ACTR10: variants seen among roughly 807,000 people sequenced by gnomAD.
ACTR10 encodes the protein actin-related protein 10.
A neutral mutation model predicts 56.2 loss-of-function variants in ACTR10; 43 were observed. The ratio of observed to expected loss-of-function variants is 0.77; its 90% CI spans 0.60 to 0.99. ACTR10 has a LOEUF of 0.99. Ranked by LOEUF, ACTR10 falls within the 50% of genes least tolerant of loss-of-function variation. The pLI is 0.00. For missense variants in ACTR10, 466 were observed against 507.8 expected (o/e 0.92, Z 0.79); for synonymous variants, 170 against 176.3 (o/e 0.96, Z 0.28).
At chr14:58,203,041 C>G in intron 2 of ACTR10, 114 bp downstream of exon 2, 1 of 656,526 alleles carries the variant, frequency 1.5e-6, no homozygotes, top group Non-Finnish European at 2.5e-6. Context: ...GTGGCTCACG[C>G]CTGTAATCCC....
chr14:58,233,903 T>C (rs1361584328), intron 12 of ACTR10, among the ~76,000 whole-genome samples: 1 of 152,222 alleles, frequency 6.6e-6, no homozygotes, highest in African/African-American at 2.4e-5. Flanking sequence ...GTAATGGAAT[T>C]GTTTTTAAAA....
chr14:58,223,857 G>A lies in ACTR10; in HGVS notation c.788+1G>A. ...TTTTACATATCCTTGGATCAATCAG[G>A]TTAGATCTTAAATTTTTACGGCAAA... On this transcript the variant is annotated splice_donor_variant, in intron 10 of 12. Transcript: ENST00000254286. LOFTEE classifies it high-confidence loss of function. 1.2e-6 allele frequency: 2 copies of A among 1,601,688 alleles called. No homozygotes were observed. Among genetic ancestry groups the A allele is most frequent in the Non-Finnish European group, 1.7e-6 (2 of 1,174,742 alleles).
At chr14:58,203,147 C>G (rs1888767707) in intron 2 of ACTR10, among the ~76,000 whole-genome samples, 1 of 151,606 alleles carries the variant, frequency 6.6e-6, no homozygotes, top group Non-Finnish European at 1.5e-5. Context: ...ACTAAAAATA[C>G]AAAAATTAGC....
rs557535437 is a variant in ACTR10, at chr14:58,217,396, G to A, written c.598+2112G>A. ...CAGAAATGCAAATACGGCTGGGCAC[G>A]GTGGCTCACGCCTGTAATCCCAGCA... is the stretch of plus-strand genomic sequence containing the variant. On this transcript the variant is annotated intron_variant, in intron 7 of 12. Transcript: ENST00000254286. 3.9e-5 allele frequency among the ~76,000 whole-genome samples: 6 copies of A among 152,144 alleles called. No individual in the cohort carries two copies. The East Asian group carries it at 1.2e-3, about 29-fold the overall frequency.
At chr14:58,215,339 A>T (rs547713757) in intron 7 of ACTR10, 55 bp downstream of exon 7, 2 of 1,166,260 alleles carry the variant, frequency 1.7e-6, no homozygotes, top group African/African-American at 3.1e-5. Context: ...TTGTTCTTCA[A>T]CTTGTATTTT....
rs780133223 is a variant in ACTR10, at chr14:58,219,730, G to T, written c.634+1G>T. On this transcript the variant is annotated splice_donor_variant, in intron 8 of 12. Coordinates refer to ENST00000254286, the MANE Select transcript of ACTR10 (RefSeq NM_018477.3). LOFTEE classifies it high-confidence loss of function. The stretch of plus-strand genomic sequence containing the variant: ...GAAGGTGTCTTAGAGGACATTAAAG[G>T]TAAACTAAGTTCTCATTTTTGTCCC... The T allele has an allele frequency of 6.6e-7, 1 of 1,519,252 alleles. No individual in the cohort carries two copies. Among genetic ancestry groups the T allele is most frequent in the African/African-American group, 1.4e-5 (1 of 70,446 alleles). The allele number at this position is 1,519,252 out of a possible 1,614,324, so 94.1% of individuals were successfully genotyped here.
At position 58,215,190 on chromosome 14, in the gene ACTR10, T is replaced by C; in HGVS notation, c.519-15T>C. On this transcript the variant is annotated splice_polypyrimidine_tract_variant and intron_variant, in intron 6 of 12. Transcript: ENST00000254286. The stretch of plus-strand genomic sequence containing the variant: ...CAATATTTTCATTCCAGTAACTTTT[T>C]TTTTTTAATTTCAGAGAGTTGGAAA... 2.0e-6 allele frequency: 3 copies of C among 1,533,690 alleles called. No individual in the cohort carries two copies. Among genetic ancestry groups the C allele is most frequent in the Non-Finnish European group, 2.7e-6 (3 of 1,127,058 alleles).
intron 5 of ACTR10, among the ~76,000 whole-genome samples, chr14:58,211,725 A>G (rs1164403871): frequency 6.6e-6 from 1 of 152,184 alleles, no homozygotes; most frequent in East Asian, 1.9e-4. Context: ...AATTGGAGAA[A>G]CTGAAATGAG....
chr14:58,230,436 G>A lies in ACTR10; in HGVS notation c.826G>A (p.Glu276Lys), dbSNP rs775840797. 3.1e-6 allele frequency: 5 copies of A among 1,589,160 alleles called. No homozygotes were observed. Among genetic ancestry groups the A allele is most frequent in the Non-Finnish European group, 4.3e-6 (5 of 1,170,166 alleles). ...VVEILFEQDN[E>K]EQSVATLILD... ...GGAAATTCTTTTTGAACAAGATAAT[G>A]AAGAGCAATCAGTTGCCACTTTAAT... The change falls in exon 11 of 13, where the codon GAA becomes AAA. Residue 276 changes from glutamate (E) to lysine (K), a missense_variant. Coordinates refer to ENST00000254286, the MANE Select transcript of ACTR10 (RefSeq NM_018477.3).
intron 10 of ACTR10, among the ~76,000 whole-genome samples, chr14:58,227,157 G>T (rs1174803244): frequency 7.5e-6 from 1 of 133,080 alleles, no homozygotes; most frequent in Non-Finnish European, 1.6e-5. Flanking sequence ...CATAATTTAT[G>T]ATTTCCAGCT....
chr14:58,232,998 G>A (rs1049960388), intron 12 of ACTR10, among the ~76,000 whole-genome samples: 10 of 151,272 alleles, frequency 6.6e-5, no homozygotes, highest in Non-Finnish European at 1.3e-4. Flanking sequence ...AGCCTCCCTA[G>A]TAGCTGGGAT....
At chr14:58,232,752 A>G (rs1011232204) in intron 12 of ACTR10, among the ~76,000 whole-genome samples, 1 of 151,536 alleles carries the variant, frequency 6.6e-6, no homozygotes. Context: ...AGAATTTTAT[A>G]CCTATTTCTC....
intron 11 of ACTR10, chr14:58,230,959 A>G (rs1436294260): frequency 2.1e-5 from 4 of 191,382 alleles, no homozygotes; most frequent in Non-Finnish European, 3.5e-5. Context: ...GGGTTTCGCC[A>G]TGTTGGCCAG....
Position 58,235,314 on chromosome 14 carries a change from ATGT to A in ACTR10, c.*768_*770del, listed in dbSNP as rs1044118461. ...GTACTTGGGTGTCCATATTATAATAATGTTGTTTTTCCAGAAATATATTTGATC... is the reference window on the plus strand; with the variant it reads ...GTACTTGGGTGTCCATATTATAATAATGTTTTTCCAGAAATATATTTGATC... On this transcript the variant is annotated 3_prime_UTR_variant, in exon 13 of 13. Transcript: ENST00000254286. 1.0e-3 allele frequency: 152 copies of A among 152,296 alleles called. No individual in the cohort carries two copies. The highest frequency in any genetic ancestry group is 3.3e-3 in the African/African-American group (139 of 41,558). 9.4% of individuals were successfully genotyped at this position (152,296 alleles called of 1,614,324 possible).
Position 58,223,681 on chromosome 14 carries a change from A to G in ACTR10, c.694A>G (p.Asn232Asp). 1 of 1,613,308 alleles carries G rather than the reference A, an allele frequency of 6.2e-7. No individual in the cohort carries two copies. The highest frequency in any genetic ancestry group is 8.5e-7 in the Non-Finnish European group (1 of 1,179,782). Residue 232 changes from asparagine to aspartate, a missense_variant, in exon 9 of 13, where the codon AAT becomes GAT. Coordinates refer to ENST00000254286, the MANE Select transcript of ACTR10 (RefSeq NM_018477.3). Reference sequence around the variant, plus strand: ...ACTAAAAATCCAAGCAGCAAAATTTAATATTGATGGGAATAATGAGGTAAG... The same window carrying G: ...ACTAAAAATCCAAGCAGCAAAATTTGATATTGATGGGAATAATGAGGTAAG... Reference protein sequence around the residue: ...RGLKIQAAKFNIDGNNERPSP... With the variant: ...RGLKIQAAKFDIDGNNERPSP...
In ACTR10 at chr14:58,232,154, T is replaced by C; in HGVS notation, c.959T>C (p.Leu320Pro). 1 of 1,613,908 alleles carries C rather than the reference T, an allele frequency of 6.2e-7. No individual in the cohort carries two copies. Among genetic ancestry groups the C allele is most frequent in the Non-Finnish European group, 8.5e-7 (1 of 1,179,926 alleles). ...SMLPGFLHRL[L>P]AEIRYLVEKP... ...TTGCCAGGATTTCTCCACAGATTGCTTGCAGAAATAAGGTATTTGGTAGAA... is the reference window on the plus strand; with the variant it reads ...TTGCCAGGATTTCTCCACAGATTGCCTGCAGAAATAAGGTATTTGGTAGAA... Residue 320 changes from leucine (L) to proline (P), a missense_variant, in exon 12 of 13, where the codon CTT (leucine) becomes CCT (proline). By Grantham distance (98) the Leu-to-Pro change is moderately conservative. Transcript: ENST00000254286.
intron 8 of ACTR10, among the ~76,000 whole-genome samples, chr14:58,223,286 G>A (rs763121752): frequency 9.9e-5 from 15 of 152,116 alleles, no homozygotes; most frequent in Non-Finnish European, 1.3e-4. Flanking sequence ...ACAGGCACCC[G>A]CCACCACGCC....
intron 10 of ACTR10, 36 bp from the exon 11 acceptor site, chr14:58,230,363 C>A: frequency 8.0e-7 from 1 of 1,249,478 alleles, no homozygotes; most frequent in Non-Finnish European, 1.1e-6. Context: ...TAATACGTGA[C>A]ACCAACAGAA....
intron 10 of ACTR10, among the ~76,000 whole-genome samples, chr14:58,229,757 G>A (rs1007746587): frequency 6.6e-6 from 1 of 151,076 alleles, no homozygotes; most frequent in African/African-American, 2.4e-5. Flanking sequence ...TTGCTTGAAT[G>A]TAGTAATTAC....
Sources: allele counts gnomAD v4.1 joint callset (sites outside exome capture counted in the v4.1 genomes callset), GRCh38; gene constraint gnomAD v4.1.1; transcripts MANE v1.5; gene names NCBI Gene and HGNC (gene_info 2026-07-23, HGNC 2026-07-21).